DPH6: variants seen among roughly 807,000 people sequenced by gnomAD.
DPH6 encodes diphthamine biosynthesis 6, also known as diphthine--ammonia ligase.
Under a neutral mutation model 38.2 loss-of-function variants are expected in DPH6, and 33 were observed. That is an observed-to-expected ratio of 0.86 (90% CI 0.65 to 1.15). DPH6 has a LOEUF of 1.15. Among genes scored for constraint, DPH6 ranks in the 50% most tolerant of loss-of-function variants. The pLI is 0.00. For synonymous variants in DPH6, 108 were observed against 103.0 expected, an observed-to-expected ratio of 1.05 and a Z score of -0.30; for missense variants, 325 against 320.0, an observed-to-expected ratio of 1.02 and a Z score of -0.12.
At chr15:35,447,031 G>GCTAA (rs2053863232) in intron 5 of DPH6, among the ~76,000 whole-genome samples, 1 of 152,028 alleles carries the variant, frequency 6.6e-6, no homozygotes, top group South Asian at 2.1e-4. Context: ...ACCACGCATG[G>GCTAA]CTAATTTTTT....
At chr15:35,450,206 C>T (rs1024478067) in intron 5 of DPH6, among the ~76,000 whole-genome samples, 2 of 151,998 alleles carry the variant, frequency 1.3e-5, no homozygotes, top group Non-Finnish European at 2.9e-5. Flanking sequence ...AACCAGTACC[C>T]TATTTATTTT....
chr15:35,447,575 A>G (rs140120184), intron 5 of DPH6, among the ~76,000 whole-genome samples: 219 of 152,032 alleles, frequency 1.4e-3, no homozygotes, highest in African/African-American at 5.2e-3. Flanking sequence ...TCCTTGGCAG[A>G]TATTACAGGA....
chr15:35,322,861 AT>A (rs2052251961), intron 3 of DPH6, among the ~76,000 whole-genome samples: 1 of 152,058 alleles, frequency 6.6e-6, no homozygotes. Flanking sequence ...AAACTACTTG[AT>A]CATCAGCTTG....
chr15:35,452,891 T>A (rs1057103424), intron 4 of DPH6, among the ~76,000 whole-genome samples: 1 of 152,192 alleles, frequency 6.6e-6, no homozygotes, highest in Non-Finnish European at 1.5e-5. Flanking sequence ...CTTAAGTCTA[T>A]AGTCAAGAGA....
the DPH6 span, among the ~76,000 whole-genome samples, chr15:35,203,270 C>A: frequency 6.6e-6 from 1 of 151,492 alleles, no homozygotes; most frequent in Non-Finnish European, 1.5e-5. Flanking sequence ...AATTTGTGTT[C>A]TTTTCTGCCA....
intron 6 of DPH6, among the ~76,000 whole-genome samples, chr15:35,397,906 CACACACACAA>C (rs1202906903): frequency 6.8e-6 from 1 of 147,198 alleles, no homozygotes; most frequent in African/African-American, 2.6e-5. Context: ...CACACACACA[CACACACACAA>C]GATTCTGAGA....
intron 5 of DPH6, among the ~76,000 whole-genome samples, chr15:35,415,555 C>CTGTATTCCACAGTG (rs2053425519): frequency 6.6e-6 from 1 of 151,928 alleles, no homozygotes; most frequent in African/African-American, 2.4e-5. Context: ...TCAGAGATGG[C>CTGTATTCCACAGTG]TGTATTCCAC....
chr15:35,252,016 T>C (rs1247753239), intron 3 of DPH6, among the ~76,000 whole-genome samples: 1 of 152,164 alleles, frequency 6.6e-6, no homozygotes, highest in Non-Finnish European at 1.5e-5. Context: ...GTGGGGGGCC[T>C]GTAATCCCAG....
At chr15:35,407,560 A>T (rs11858670) in intron 6 of DPH6, among the ~76,000 whole-genome samples, 46,548 of 151,896 alleles carry the variant, frequency 0.31, 7,853 homozygotes, top group African/African-American at 0.45. Context: ...ATACACATGT[A>T]AACAGATGAA....
chr15:35,284,433 G>A (rs978739630), intron 3 of DPH6, among the ~76,000 whole-genome samples: 2 of 151,728 alleles, frequency 1.3e-5, no homozygotes, highest in African/African-American at 2.4e-5. Context: ...TCTACATTAC[G>A]GACTAATAGA....
the DPH6 span, among the ~76,000 whole-genome samples, chr15:35,210,309 G>C: frequency 3.9e-4 from 60 of 152,160 alleles, no homozygotes; most frequent in Non-Finnish European, 6.8e-4. Flanking sequence ...CTGGGGATTA[G>C]ATGTATATAA....
At chr15:35,334,841 T>C (rs1026456516) in intron 3 of DPH6, among the ~76,000 whole-genome samples, 6 of 152,188 alleles carry the variant, frequency 3.9e-5, no homozygotes, top group Admixed American at 3.9e-4. Context: ...ATGTCTTTGC[T>C]ATTGTGAATT....
At chr15:35,159,039 G>C in the DPH6 span, among the ~76,000 whole-genome samples, 1 of 152,154 alleles carries the variant, frequency 6.6e-6, no homozygotes, top group Admixed American at 6.6e-5. Flanking sequence ...TATTTATATA[G>C]TCGATGTATA....
At chr15:35,515,722 GAAAAAA>G (rs61568573) in intron 3 of DPH6, among the ~76,000 whole-genome samples, 147 of 77,936 alleles carry the variant, frequency 1.9e-3, no homozygotes, top group South Asian at 6.5e-3. Flanking sequence ...CTCCGTCTCA[GAAAAAA>G]AAAAAAAAAA....
intron 3 of DPH6, among the ~76,000 whole-genome samples, chr15:35,324,685 C>T (rs1042693096): frequency 3.3e-5 from 5 of 151,896 alleles, no homozygotes; most frequent in African/African-American, 9.7e-5. Flanking sequence ...AAATATAAAC[C>T]GATAGTCAAT....
chr15:35,208,625 T>C, the DPH6 span, among the ~76,000 whole-genome samples: 2 of 152,228 alleles, frequency 1.3e-5, no homozygotes, highest in Admixed American at 6.5e-5. Flanking sequence ...TGAAAGCACA[T>C]AATTTAGAGA....
intron 3 of DPH6, among the ~76,000 whole-genome samples, chr15:35,466,915 G>T (rs977028070): frequency 1.3e-5 from 2 of 152,128 alleles, no homozygotes; most frequent in African/African-American, 4.8e-5. Context: ...ACTTAGCATG[G>T]TTGGAGCTTA....
rs2140977275 is a variant in DPH6 at position 35,401,157 on chromosome 15, T to C, written c.567+9678A>G. 18 of 1,075,484 alleles carry C rather than the reference T, an allele frequency of 1.7e-5. 1 individual carries two copies. The South Asian group carries it at 2.2e-4, about 13-fold the overall frequency. 66.6% of individuals were successfully genotyped at this position (1,075,484 alleles called of 1,614,324 possible). A position where few individuals can be genotyped will look rare whatever the true frequency, so the allele number is the denominator to read the frequency against. On this transcript the variant is annotated intron_variant, in intron 6 of 8. Transcript: ENST00000256538. ...AGACTGTCATTCAGAAACACCATAC[T>C]GTGAATGGCCACAACTGTGAAGTTA...
chr15:35,178,704 T>A, the DPH6 span, among the ~76,000 whole-genome samples: 18 of 152,178 alleles, frequency 1.2e-4, no homozygotes, highest in African/African-American at 4.3e-4. Flanking sequence ...ATATGTGTAA[T>A]TAAAAATTAA....
Sources: gnomAD v4.1 joint callset for allele counts (sites outside exome capture counted in the v4.1 genomes callset) on GRCh38, gnomAD v4.1.1 for gene constraint, MANE v1.5 for transcripts, NCBI Gene and HGNC (gene_info 2026-07-23, HGNC 2026-07-21) for gene names.